LNPEP: variants seen among roughly 807,000 people sequenced by gnomAD.
LNPEP encodes leucyl and cystinyl aminopeptidase.
A neutral mutation model predicts 120.6 loss-of-function variants in LNPEP; 64 were observed. That is an observed-to-expected ratio of 0.53 (90% confidence interval 0.43 to 0.65). The LOEUF is 0.65. Ranked by LOEUF, LNPEP falls within the 30% of genes least tolerant of loss-of-function variation. The pLI is 0.00. For synonymous variants in LNPEP, 435 were observed against 425.4 expected, an observed-to-expected ratio of 1.02 and a Z score of -0.28; for missense variants, 1,057 against 1,200.0, an observed-to-expected ratio of 0.88 and a Z score of 1.76.
At chr5:96,951,269 G>T (rs1391700900) in intron 1 of LNPEP, among the ~76,000 whole-genome samples, 2 of 151,488 alleles carry the variant, frequency 1.3e-5, no homozygotes, top group South Asian at 2.1e-4. Flanking sequence ...TTTTGGCGGG[G>T]GGCGCGGGGG....
At chr5:96,953,732 T>G (rs534736495) in intron 1 of LNPEP, among the ~76,000 whole-genome samples, 10 of 152,356 alleles carry the variant, frequency 6.6e-5, no homozygotes, top group South Asian at 2.1e-4. Context: ...ATCTTGGTAT[T>G]TTCTTTTTCA....
At chr5:96,975,990 T>C (rs1373564213) in intron 1 of LNPEP, among the ~76,000 whole-genome samples, 1 of 152,190 alleles carries the variant, frequency 6.6e-6, no homozygotes, top group African/African-American at 2.4e-5. Flanking sequence ...AGCTTCTATA[T>C]GTGGATTTAA....
intron 13 of LNPEP, among the ~76,000 whole-genome samples, chr5:97,015,971 C>G (rs1791058842): frequency 6.6e-6 from 1 of 151,942 alleles, no homozygotes; most frequent in South Asian, 2.1e-4. Flanking sequence ...ATGTACACAA[C>G]CTTCTTTCTG....
intron 11 of LNPEP, among the ~76,000 whole-genome samples, chr5:97,012,071 C>A (rs27660): frequency 6.6e-6 from 1 of 151,906 alleles, no homozygotes; most frequent in Non-Finnish European, 1.5e-5. Context: ...ATATAAAAAA[C>A]CTTCACTACA....
chr5:96,944,861 CAT>C lies in LNPEP; in HGVS notation c.19+8688_19+8689del, dbSNP rs1289154102. Among the ~76,000 whole-genome samples the C allele has an allele frequency of 4.6e-5, 7 of 152,050 alleles. No homozygotes were observed. The South Asian group carries it at 6.2e-4, about 14-fold the overall frequency. ...GCTGGGATTACAGGCATGAGCCACACATGTGGCCACATTCAAAGATTTTCTGA... is the reference window on the plus strand; with the variant it reads ...GCTGGGATTACAGGCATGAGCCACACGTGGCCACATTCAAAGATTTTCTGA... On this transcript the variant is annotated intron_variant, in intron 1 of 17. Coordinates refer to ENST00000231368, the MANE Select transcript of LNPEP (RefSeq NM_005575.3).
intron 1 of LNPEP, among the ~76,000 whole-genome samples, chr5:96,948,387 G>A (rs1789243589): frequency 6.6e-6 from 1 of 152,186 alleles, no homozygotes; most frequent in Non-Finnish European, 1.5e-5. Flanking sequence ...CAAAGTGTTG[G>A]GATTACAGGC....
intron 1 of LNPEP, chr5:96,936,447 G>A (rs898206762): frequency 3.5e-5 from 13 of 370,430 alleles, no homozygotes; most frequent in Non-Finnish European, 5.8e-5. Flanking sequence ...AGTTTGGGCT[G>A]CTGTGCGCAG....
Position 97,006,408 on chromosome 5 carries a change from C to A in LNPEP, c.1947-19C>A. The A allele has an allele frequency of 1.4e-6, 2 of 1,457,810 alleles. No homozygotes were observed. Among genetic ancestry groups the A allele is most frequent in the Non-Finnish European group, 1.9e-6 (2 of 1,060,708 alleles). 90.3% of individuals were successfully genotyped at this position (1,457,810 alleles called of 1,614,324 possible). A position where few individuals can be genotyped will look rare whatever the true frequency, so the allele number is the denominator to read the frequency against. On this transcript the variant is annotated intron_variant, in intron 10 of 17. Coordinates refer to ENST00000231368, the MANE Select transcript of LNPEP (RefSeq NM_005575.3). ...AAAAAATCATATGTAACTAATTTTC[C>A]AATGTTTTCTCTTTACAGCTACCTG...
At chr5:96,953,743 A>G (rs553314939) in intron 1 of LNPEP, among the ~76,000 whole-genome samples, 1 of 152,322 alleles carries the variant, frequency 6.6e-6, no homozygotes, top group African/African-American at 2.4e-5. Flanking sequence ...TTCTTTTTCA[A>G]TTAAAATATT....
chr5:96,969,585 G>T (rs1268139061), intron 1 of LNPEP, among the ~76,000 whole-genome samples: 1 of 152,092 alleles, frequency 6.6e-6, no homozygotes, highest in East Asian at 1.9e-4. Flanking sequence ...AATTGGTTTT[G>T]GAGATGCACC....
In LNPEP at chr5:97,027,859, C is replaced by T. The variant is rs1791385161; in HGVS notation, c.2946+45C>T. 6 of 1,122,840 alleles carry T rather than the reference C, an allele frequency of 5.3e-6. No homozygotes were observed. In the East Asian group the frequency reaches 1.4e-4, roughly 26 times the overall value. 69.6% of individuals were successfully genotyped at this position (1,122,840 alleles called of 1,614,324 possible). On this transcript the variant is annotated intron_variant, in intron 17 of 17. Coordinates refer to ENST00000231368, the MANE Select transcript of LNPEP (RefSeq NM_005575.3). ...AATACAGAGACTGGGCAACCCTCCGCACACCCGGACCAGGCTGCTCAGTTT... is the reference window on the plus strand; with the variant it reads ...AATACAGAGACTGGGCAACCCTCCGTACACCCGGACCAGGCTGCTCAGTTT...
intron 1 of LNPEP, among the ~76,000 whole-genome samples, chr5:96,951,937 T>C (rs924168392): frequency 2.2e-4 from 33 of 152,076 alleles, no homozygotes; most frequent in Non-Finnish European, 4.0e-4. Context: ...AGTTTGGGAG[T>C]AGTTTATCTT....
chr5:97,024,741 C>G, intron 15 of LNPEP, 59 bp downstream of exon 15: 1 of 1,485,938 alleles, frequency 6.7e-7, no homozygotes, highest in Non-Finnish European at 9.2e-7. Flanking sequence ...ACACTGTGCT[C>G]TTGGTCAGGA....
At chr5:97,008,233 G>C (rs1385447344) in intron 11 of LNPEP, among the ~76,000 whole-genome samples, 1 of 150,562 alleles carries the variant, frequency 6.6e-6, no homozygotes, top group East Asian at 2.0e-4. Flanking sequence ...CTTTCTGATA[G>C]TATATTAATT....
chr5:97,022,981 A>G (rs930789208), intron 14 of LNPEP, among the ~76,000 whole-genome samples: 1 of 151,928 alleles, frequency 6.6e-6, no homozygotes, highest in African/African-American at 2.4e-5. Context: ...AGTAGTGTTA[A>G]GCATATTCAC....
intron 1 of LNPEP, among the ~76,000 whole-genome samples, chr5:96,955,061 C>T (rs985752403): frequency 4.6e-5 from 7 of 150,616 alleles, no homozygotes; most frequent in Middle Eastern, 3.4e-3. Flanking sequence ...GGATTACAGG[C>T]GTGAGCCACC....
intron 8 of LNPEP, among the ~76,000 whole-genome samples, chr5:97,000,143 A>G (rs1017612342): frequency 2.6e-5 from 4 of 152,154 alleles, no homozygotes; most frequent in Non-Finnish European, 4.4e-5. Flanking sequence ...GTGTTAAGTA[A>G]TAAGTGCTAA....
intron 1 of LNPEP, among the ~76,000 whole-genome samples, chr5:96,962,969 G>A (rs893334977): frequency 1.3e-5 from 2 of 152,106 alleles, no homozygotes; most frequent in Non-Finnish European, 2.9e-5. Context: ...GTACAACAAG[G>A]CCTTTGGGCT....
intron 4 of LNPEP, among the ~76,000 whole-genome samples, chr5:96,989,596 G>A (rs1287238564): frequency 6.6e-6 from 1 of 151,336 alleles, no homozygotes; most frequent in Non-Finnish European, 1.5e-5. Flanking sequence ...AAAGTTTCAG[G>A]TTGTAAGTTT....
Sources: gnomAD v4.1 joint callset for allele counts (sites outside exome capture counted in the v4.1 genomes callset) on GRCh38, gnomAD v4.1.1 for gene constraint, MANE v1.5 for transcripts, NCBI Gene and HGNC (gene_info 2026-07-23, HGNC 2026-07-21) for gene names.